WDR49: variants seen among roughly 807,000 people sequenced by gnomAD.
WDR49 encodes the protein WD repeat domain 49.
A neutral mutation model predicts 119.5 loss-of-function variants in WDR49; 107 were observed. The ratio of observed to expected loss-of-function variants is 0.90; its 90% CI spans 0.77 to 1.05. The LOEUF is 1.05. WDR49 is among the 50% of genes least tolerant of loss of function. WDR49 has a pLI of 0.00. For synonymous variants in WDR49, 425 were observed against 418.8 expected (o/e 1.01, Z -0.18); for missense variants, 1,240 against 1,220.5 (o/e 1.02, Z -0.24).
intron 10 of WDR49, among the ~76,000 whole-genome samples, chr3:167,543,511 A>G (rs1387183106): frequency 6.6e-6 from 1 of 152,166 alleles, no homozygotes; most frequent in African/African-American, 2.4e-5. Flanking sequence ...AATGTAATAC[A>G]TCACATAAAC....
At chr3:167,630,960 T>C (rs140672876) in intron 2 of WDR49, among the ~76,000 whole-genome samples, 221 of 152,164 alleles carry the variant, frequency 1.5e-3, no homozygotes, top group South Asian at 2.9e-3. Context: ...TTAGGAACGC[T>C]AGCCAGCACT....
At chr3:167,606,690 G>A (rs1296075404) in intron 5 of WDR49, among the ~76,000 whole-genome samples, 1 of 152,158 alleles carries the variant, frequency 6.6e-6, no homozygotes, top group Non-Finnish European at 1.5e-5. Context: ...ACTGGGAAGT[G>A]TGTCATGAAA....
At chr3:167,586,220 G>A (rs911609425) in intron 7 of WDR49, among the ~76,000 whole-genome samples, 1 of 151,926 alleles carries the variant, frequency 6.6e-6, no homozygotes, top group Non-Finnish European at 1.5e-5. Context: ...TGAAAAAGCT[G>A]AATTAGGCCC....
At chr3:167,584,761 A>C (rs1248551751) in intron 7 of WDR49, among the ~76,000 whole-genome samples, 2 of 152,142 alleles carry the variant, frequency 1.3e-5, no homozygotes, top group Non-Finnish European at 2.9e-5. Context: ...CATAAAGTTA[A>C]ATGCAAAAAT....
chr3:167,566,021 T>C (rs1055837342), intron 8 of WDR49, among the ~76,000 whole-genome samples: 2 of 152,170 alleles, frequency 1.3e-5, no homozygotes, highest in Admixed American at 1.3e-4. Flanking sequence ...ACCCACTCTG[T>C]GTAAAGTACT....
chr3:167,617,634 G>A (rs2108318921), intron 5 of WDR49, among the ~76,000 whole-genome samples: 1 of 152,248 alleles, frequency 6.6e-6, no homozygotes, highest in South Asian at 2.1e-4. Context: ...TCCTCCGGAG[G>A]AGAAGATGAA....
At chr3:167,484,123 A>C (rs543997060) in intron 18 of WDR49, among the ~76,000 whole-genome samples, 2 of 152,294 alleles carry the variant, frequency 1.3e-5, no homozygotes, top group Non-Finnish European at 2.9e-5. Context: ...TAAGTTGCCT[A>C]GGGTAAAGTC....
At chr3:167,529,285 G>A in intron 13 of WDR49, 46 bp from the exon 14 acceptor site, 2 of 1,487,338 alleles carry the variant, frequency 1.3e-6, no homozygotes, top group Non-Finnish European at 1.8e-6. Flanking sequence ...AACAACAAAT[G>A]CCAGAAATAA....
chr3:167,545,408 C>T (rs969670171), intron 10 of WDR49, among the ~76,000 whole-genome samples: 2 of 150,190 alleles, frequency 1.3e-5, no homozygotes, highest in Non-Finnish European at 3.0e-5. Context: ...ATGTTTATAG[C>T]AGCACAATTC....
intron 2 of WDR49, among the ~76,000 whole-genome samples, chr3:167,638,087 A>G (rs1437210068): frequency 6.6e-6 from 1 of 151,604 alleles, no homozygotes; most frequent in Non-Finnish European, 1.5e-5. Context: ...AGAAAGTAAT[A>G]AGCATCACAT....
In WDR49 at chr3:167,524,757, T is replaced by G. The variant is rs565023445; in HGVS notation, c.2605-2273A>C. On this transcript the variant is annotated intron_variant, in intron 15 of 18. Coordinates refer to ENST00000682715, the MANE Select transcript of WDR49 (RefSeq NM_001366157.1). ...TTATGAGGCCTCTGTTCTATTCCAT[T>G]GGTCTCTTTATCTGTTTTGGTACCA... Among the ~76,000 whole-genome samples the G allele has an allele frequency of 2.6e-5, 4 of 152,230 alleles. No individual in the cohort carries two copies. In the East Asian group the frequency reaches 7.7e-4, roughly 29 times the overall value.
intron 10 of WDR49, among the ~76,000 whole-genome samples, chr3:167,539,697 A>G (rs981810325): frequency 2.0e-5 from 3 of 152,258 alleles, no homozygotes; most frequent in South Asian, 2.1e-4. Context: ...ATCTGCTTAA[A>G]TGTCACCTAC....
chr3:167,622,085 G>T (rs1023119971), intron 3 of WDR49, among the ~76,000 whole-genome samples: 9 of 152,026 alleles, frequency 5.9e-5, no homozygotes, highest in African/African-American at 2.2e-4. Context: ...AACCCTAAAG[G>T]CTATTTTACA....
chr3:167,565,515 GA>G (rs1479282176), intron 8 of WDR49, among the ~76,000 whole-genome samples: 2 of 152,072 alleles, frequency 1.3e-5, no homozygotes, highest in East Asian at 3.8e-4. Context: ...ATATAGCTAA[GA>G]AGGAAGCAGA....
intron 4 of WDR49, among the ~76,000 whole-genome samples, chr3:167,620,869 A>T (rs907493059): frequency 2.0e-5 from 3 of 152,198 alleles, no homozygotes; most frequent in African/African-American, 7.2e-5. Flanking sequence ...TTACAAAAGG[A>T]AATTGTTCCA....
intron 18 of WDR49, among the ~76,000 whole-genome samples, chr3:167,499,051 G>A (rs1469375792): frequency 2.0e-5 from 3 of 152,076 alleles, no homozygotes; most frequent in Non-Finnish European, 4.4e-5. Context: ...ACCATAGATT[G>A]CCCTCACAAG....
chr3:167,485,201 G>C (rs1012630233), intron 18 of WDR49, among the ~76,000 whole-genome samples: 1 of 151,960 alleles, frequency 6.6e-6, no homozygotes, highest in East Asian at 1.9e-4. Context: ...TGGGTGGTTG[G>C]GGGGAAGGGG....
chr3:167,579,667 T>A (rs921117127), intron 7 of WDR49, among the ~76,000 whole-genome samples: 2 of 152,212 alleles, frequency 1.3e-5, no homozygotes, highest in South Asian at 2.1e-4. Flanking sequence ...ACTAAAAAAA[T>A]TTTAAAAAAA....
intron 2 of WDR49, among the ~76,000 whole-genome samples, chr3:167,647,902 A>T (rs1718201622): frequency 6.6e-6 from 1 of 152,034 alleles, no homozygotes; most frequent in Admixed American, 6.6e-5. Flanking sequence ...GCAGTTGTTG[A>T]TTATTTGCTG....
Sources: allele counts gnomAD v4.1 joint callset (sites outside exome capture counted in the v4.1 genomes callset), GRCh38; gene constraint gnomAD v4.1.1; transcripts MANE v1.5; gene names NCBI Gene and HGNC (gene_info 2026-07-23, HGNC 2026-07-21).